Variants in PRELID2 observed in about 807,000 individuals in gnomAD.
The protein encoded by PRELID2 is PRELI domain-containing protein 2.
PRELID2 carries 25 observed loss-of-function variants against 28.4 expected under a neutral mutation model. That is an observed-to-expected ratio of 0.88 (90% CI 0.64 to 1.23). The LOEUF is 1.23. Among genes scored for constraint, PRELID2 ranks in the 50% most tolerant of loss-of-function variants. The pLI is 0.00. For synonymous variants in PRELID2, 76 were observed against 71.6 expected (o/e 1.06, Z -0.31); for missense variants, 201 against 214.4 (o/e 0.94, Z 0.39).
At chr5:145,413,179 G>T in the PRELID2 span, among the ~76,000 whole-genome samples, 3 of 152,010 alleles carry the variant, frequency 2.0e-5, no homozygotes, top group Non-Finnish European at 4.4e-5. Flanking sequence ...ACTGGGCAAA[G>T]GACATAAATA....
intron 1 of PRELID2, among the ~76,000 whole-genome samples, chr5:145,493,251 C>T (rs1752282945): frequency 6.6e-6 from 1 of 152,100 alleles, no homozygotes; most frequent in Admixed American, 6.6e-5. Flanking sequence ...CTTTAATACT[C>T]CCTTCTCCCT....
At chr5:145,747,538 C>T (rs940926195) in intron 1 of PRELID2, among the ~76,000 whole-genome samples, 1 of 152,066 alleles carries the variant, frequency 6.6e-6, no homozygotes, top group Non-Finnish European at 1.5e-5. Flanking sequence ...TAATAAATGG[C>T]CTACTAACCA....
chr5:145,276,397 C>T, the PRELID2 span, among the ~76,000 whole-genome samples: 1 of 152,104 alleles, frequency 6.6e-6, no homozygotes, highest in African/African-American at 2.4e-5. Context: ...TCACAGTGTA[C>T]ATATTTGACA....
At chr5:145,685,468 C>T (rs1013522444) in intron 1 of PRELID2, among the ~76,000 whole-genome samples, 1 of 152,142 alleles carries the variant, frequency 6.6e-6, no homozygotes, top group Non-Finnish European at 1.5e-5. Context: ...TTGCAGAAGC[C>T]TTCTCTGGCA....
chr5:145,289,795 T>C, the PRELID2 span, among the ~76,000 whole-genome samples: 51 of 152,338 alleles, frequency 3.3e-4, no homozygotes, highest in Non-Finnish European at 4.4e-4. Context: ...ATTTTAGCCA[T>C]TCTACTACAT....
intron 5 of PRELID2, chr5:145,795,838 G>A (rs1263648191): frequency 6.6e-6 from 1 of 152,090 alleles, no homozygotes. Context: ...TACCATAGAG[G>A]ACAGATTAAA....
At chr5:145,508,298 T>TAGATAGATAGATA (rs1561496164) in intron 1 of PRELID2, among the ~76,000 whole-genome samples, 1 of 94,916 alleles carries the variant, frequency 1.1e-5, no homozygotes, top group Admixed American at 1.1e-4. Context: ...ATAGATAGAT[T>TAGATAGATAGATA]AAAAAATGTA....
chr5:145,388,271 A>G, the PRELID2 span, among the ~76,000 whole-genome samples: 1 of 152,222 alleles, frequency 6.6e-6, no homozygotes, highest in African/African-American at 2.4e-5. Context: ...TAGCATTTTA[A>G]GTATTTTTAA....
intron 1 of PRELID2, among the ~76,000 whole-genome samples, chr5:145,536,269 G>C (rs1752697855): frequency 6.6e-6 from 1 of 151,926 alleles, no homozygotes; most frequent in African/African-American, 2.4e-5. Context: ...ATAAAATCTT[G>C]AAAGTGCCAA....
rs375315588 is a variant in PRELID2, at chr5:145,714,726, C to T, written n.70+50205G>A. On this transcript the variant is annotated intron_variant and non_coding_transcript_variant, in intron 1 of 2. Transcript: ENST00000510259. ...TCTCCTTGTTGCCAAATCCAAACTC[C>T]CTTTCTCTCCTTTTATTTTACCAGG... 5.3e-5 allele frequency among the ~76,000 whole-genome samples: 8 copies of T among 152,024 alleles called. 1 individual carries two copies. Among genetic ancestry groups the T allele is most frequent in the African/African-American group, 1.9e-4 (8 of 41,484 alleles).
At chr5:145,713,274 A>G (rs1755744036) in intron 1 of PRELID2, among the ~76,000 whole-genome samples, 1 of 149,994 alleles carries the variant, frequency 6.7e-6, no homozygotes, top group Non-Finnish European at 1.5e-5. Context: ...ATAGAGAAAA[A>G]TCTTAAAAGC....
intron 1 of PRELID2, among the ~76,000 whole-genome samples, chr5:145,506,215 T>G (rs1752410467): frequency 6.6e-6 from 1 of 152,182 alleles, no homozygotes; most frequent in African/African-American, 2.4e-5. Flanking sequence ...CTGCCCCTTT[T>G]GCTCACTCTG....
At chr5:145,798,846 G>A (rs1302257741) in intron 4 of PRELID2, among the ~76,000 whole-genome samples, 1 of 152,034 alleles carries the variant, frequency 6.6e-6, no homozygotes. Context: ...CCACAGAGTG[G>A]GGAACATCAC....
intron 1 of PRELID2, among the ~76,000 whole-genome samples, chr5:145,660,366 C>G (rs1264416894): frequency 6.6e-6 from 1 of 152,214 alleles, no homozygotes; most frequent in Non-Finnish European, 1.5e-5. Context: ...CAGCCCAAGG[C>G]AGGACCACAC....
intron 1 of PRELID2, among the ~76,000 whole-genome samples, chr5:145,825,633 A>G (rs1755145481): frequency 6.6e-6 from 1 of 152,250 alleles, no homozygotes; most frequent in African/African-American, 2.4e-5. Flanking sequence ...AAATTTTTCA[A>G]GTTCTGATTA....
intron 4 of PRELID2, among the ~76,000 whole-genome samples, chr5:145,808,928 TAATGTAATCTGTGTTTAAGTTTG>T (rs1581245750): frequency 2.0e-5 from 3 of 151,672 alleles, no homozygotes; most frequent in East Asian, 3.9e-4. Flanking sequence ...CTCATCTCAT[TAATGTAATCTGTGTTTAAGTTTG>T]ATTTTGACTT....
chr5:145,598,060 C>T (rs910723594), intron 1 of PRELID2, among the ~76,000 whole-genome samples: 7 of 151,936 alleles, frequency 4.6e-5, no homozygotes, highest in Non-Finnish European at 1.0e-4. Flanking sequence ...GCCTGGAAGG[C>T]TTCATTAAAA....
rs56324486 is a variant in PRELID2 at position 145,650,531 on chromosome 5, CATATATATATATATATATATATAT to C, written n.70+114376_70+114399del. 6.6e-3 allele frequency among the ~76,000 whole-genome samples: 453 copies of C among 68,734 alleles called. 6 individuals are homozygous for C. Among genetic ancestry groups the C allele is most frequent in the African/African-American group, 0.022 (423 of 19,396 alleles). The allele number at this position is 68,734 out of a possible 152,430, so 45.1% of individuals were successfully genotyped here. ...GAGCATATCGAATCGCACATATATA[CATATATATATATATATATATATAT>C]ATATATATATATATATATATAGACT... On this transcript the variant is annotated intron_variant and non_coding_transcript_variant, in intron 1 of 2. Coordinates refer to the PRELID2 transcript ENST00000510259.
chr5:145,273,282 G>A, the PRELID2 span, among the ~76,000 whole-genome samples: 1 of 152,246 alleles, frequency 6.6e-6, no homozygotes, highest in African/African-American at 2.4e-5. Context: ...TCTTTCAGAT[G>A]TTCCTCTCTG....
Sources: allele counts gnomAD v4.1 joint callset (sites outside exome capture counted in the v4.1 genomes callset), GRCh38; gene constraint gnomAD v4.1.1; transcripts MANE v1.5; gene names NCBI Gene and HGNC (gene_info 2026-07-23, HGNC 2026-07-21).